Variants in SPO11 observed in about 807,000 individuals in gnomAD.
SPO11 encodes meiotic recombination protein SPO11.
A neutral mutation model predicts 51.6 loss-of-function variants in SPO11; 49 were observed. The ratio of observed to expected loss-of-function variants is 0.95; its 90% CI spans 0.75 to 1.20. SPO11 has a LOEUF of 1.20. SPO11 is among the 50% of genes most tolerant of loss of function. SPO11 has a pLI of 0.00. For synonymous variants in SPO11, 176 were observed against 158.2 expected (o/e 1.11, Z -0.84); for missense variants, 431 against 473.4 (o/e 0.91, Z 0.83).
intron 8 of SPO11, chr20:57,337,844 A>G (rs1257987446): frequency 1.1e-5 from 10 of 948,064 alleles, no homozygotes; most frequent in Non-Finnish European, 1.5e-5. Flanking sequence ...CCACATGCAG[A>G]GTACTAACCG....
At chr20:57,331,550 C>G (rs1218316297) in intron 1 of SPO11, among the ~76,000 whole-genome samples, 1 of 152,076 alleles carries the variant, frequency 6.6e-6, no homozygotes, top group African/African-American at 2.4e-5. Context: ...AAAAGGGAGA[C>G]CTTCCATTGG....
intron 6 of SPO11, 109 bp from the exon 7 acceptor site, chr20:57,335,310 C>G (rs140465905): frequency 4.6e-6 from 4 of 872,644 alleles, no homozygotes; most frequent in Non-Finnish European, 7.0e-6. Flanking sequence ...AGGAAGAAGT[C>G]TCTGATGACT....
At chr20:57,335,931 A>G in intron 8 of SPO11, 24 bp downstream of exon 8, 4 of 1,309,424 alleles carry the variant, frequency 3.1e-6, no homozygotes, top group Non-Finnish European at 4.4e-6. Context: ...CTTTACTACA[A>G]TTCCAAGACT....
chr20:57,330,202 A>G (rs2066429038), intron 1 of SPO11, among the ~76,000 whole-genome samples: 1 of 152,202 alleles, frequency 6.6e-6, no homozygotes, highest in Non-Finnish European at 1.5e-5. Context: ...GCCAGGTGGC[A>G]GCCCCCCTTC....
At position 57,329,927 on chromosome 20, in the gene SPO11, G is replaced by A. The variant is rs751139158; in HGVS notation, c.60G>A (p.Arg20=). 1 of 1,613,704 alleles carries A rather than the reference G, an allele frequency of 6.2e-7. No homozygotes were observed. The highest frequency in any genetic ancestry group is 1.3e-5 in the African/African-American group (1 of 74,952). ...TCTTCGACGTTTTGGACCGACACAG[G>A]GAGTCCCTGCTGGCTGCCCTGAGGA... The part of the protein sequence containing the change: ...ASFFDVLDRH[R]ESLLAALRRG... Residue 20 remains arginine, a synonymous_variant, in exon 1 of 13, where the codon AGG becomes AGA. Coordinates refer to ENST00000371263, the MANE Select transcript of SPO11 (RefSeq NM_012444.3).
At chr20:57,333,101 G>C in intron 2 of SPO11, 87 bp from the exon 3 acceptor site, 1 of 920,726 alleles carries the variant, frequency 1.1e-6, no homozygotes, top group South Asian at 1.8e-5. Context: ...GGTTTTAAAT[G>C]ATGTGCAGAA....
Position 57,335,647 on chromosome 20 carries a change from A to G in SPO11, c.635-151A>G, listed in dbSNP as rs1274981365. The G allele has an allele frequency of 5.9e-6, 4 of 678,320 alleles. No homozygotes were observed. The African/African-American group carries it at 7.3e-5, about 12-fold the overall frequency. The allele number at this position is 678,320 out of a possible 1,614,324, so 42.0% of individuals were successfully genotyped here. ...ATCTAGTGGAAGAGACAGATATCTG[A>G]ATATATGAATAGATGTGTTTATATG... On this transcript the variant is annotated intron_variant, in intron 7 of 12. Transcript: ENST00000371263.
At position 57,343,838 on chromosome 20, in the gene SPO11, C is replaced by T. The variant is rs2066612779; in HGVS notation, c.*378C>T. ...AAAGTATCTTACTGGTAACAAAAAT[C>T]ATAATGATCTGAATTTGAGATGTTG... On this transcript the variant is annotated 3_prime_UTR_variant, in exon 13 of 13. Coordinates refer to ENST00000371263, the MANE Select transcript of SPO11 (RefSeq NM_012444.3). 6.5e-6 allele frequency: 1 copy of T among 154,138 alleles called. No individual in the cohort carries two copies. The highest frequency in any genetic ancestry group is 1.4e-5 in the Non-Finnish European group (1 of 69,610). 9.5% of individuals were successfully genotyped at this position (154,138 alleles called of 1,614,324 possible).
rs375369929 is a variant in SPO11 at position 57,342,810 on chromosome 20, T to C, written c.1041T>C (p.Tyr347=). The stretch of plus-strand genomic sequence containing the variant: ...TTGACAGTATCCTGAGGAGACCTTA[T>C]GTTACCTGCCAACCATTTTGGAGAA... ...MKLDSILRRP[Y]VTCQPFWRKE... Residue 347 remains tyrosine, a synonymous_variant, in exon 12 of 13, where the codon TAT becomes TAC. Transcript: ENST00000371263. The C allele has an allele frequency of 8.1e-6, 13 of 1,613,202 alleles. No individual in the cohort carries two copies. The African/African-American group carries it at 9.3e-5, about 12-fold the overall frequency.
In SPO11 at chr20:57,333,177, C is replaced by A. The variant is rs767720205; in HGVS notation, c.246-11C>A. On this transcript the variant is annotated splice_polypyrimidine_tract_variant and intron_variant, in intron 2 of 12. Coordinates refer to ENST00000371263, the MANE Select transcript of SPO11 (RefSeq NM_012444.3). ...TTTCACTTTTTTCCTTTGCTTTAAA[C>A]AAAATGACAGGTTTGAAGATTCTGT... 24 of 1,590,428 alleles carry A rather than the reference C, an allele frequency of 1.5e-5. No individual in the cohort carries two copies. Among genetic ancestry groups the A allele is most frequent in the Non-Finnish European group, 1.9e-5 (22 of 1,172,480 alleles).
intron 6 of SPO11, 132 bp from the exon 7 acceptor site, chr20:57,335,287 T>C (rs1291773808): frequency 2.7e-6 from 2 of 730,678 alleles, no homozygotes; most frequent in African/African-American, 1.8e-5. Flanking sequence ...TGTTTTCTAC[T>C]ATTTTTTAAC....
chr20:57,337,079 C>G (rs1368790930), intron 8 of SPO11, among the ~76,000 whole-genome samples: 4 of 152,072 alleles, frequency 2.6e-5, no homozygotes, highest in African/African-American at 9.7e-5. Flanking sequence ...CCTAAAGAGA[C>G]TAAGAAACTT....
At position 57,334,047 on chromosome 20, in the gene SPO11, C is replaced by A. The variant is rs1352418296; in HGVS notation, c.462C>A (p.Ile154=). The change falls in exon 5 of 13, where the codon ATC becomes ATA. Residue 154 remains isoleucine, a synonymous_variant. Coordinates refer to ENST00000371263, the MANE Select transcript of SPO11 (RefSeq NM_012444.3). The stretch of plus-strand genomic sequence containing the variant: ...ACCAGACTGTCGTCGACAATATTAT[C>A]AATGACATTTCTTGCATGTTAAAAG... ...FGNQTVVDNI[I]NDISCMLKVS... is the part of the protein sequence containing the mutation. 6.3e-7 allele frequency: 1 copy of A among 1,591,012 alleles called. No individual in the cohort carries two copies. Among genetic ancestry groups the A allele is most frequent in the South Asian group, 1.2e-5 (1 of 86,372 alleles).
intron 2 of SPO11, among the ~76,000 whole-genome samples, chr20:57,332,532 A>G (rs2066462734): frequency 6.6e-6 from 1 of 152,214 alleles, no homozygotes; most frequent in South Asian, 2.1e-4. Flanking sequence ...TAAGAGATAC[A>G]GAAACAAAAT....
At chr20:57,332,306 C>T (rs982747314) in intron 2 of SPO11, among the ~76,000 whole-genome samples, 1 of 152,146 alleles carries the variant, frequency 6.6e-6, no homozygotes, top group South Asian at 2.1e-4. Flanking sequence ...CTCACATATG[C>T]CACAAAAGCA....
intron 5 of SPO11, 123 bp downstream of exon 5, chr20:57,334,218 G>A (rs1267795625): frequency 3.2e-5 from 10 of 314,022 alleles, no homozygotes; most frequent in South Asian, 6.5e-5. Flanking sequence ...GCAGTGGCGC[G>A]ATCTCAACTC....
At chr20:57,336,950 A>G (rs1010477050) in intron 8 of SPO11, among the ~76,000 whole-genome samples, 1 of 152,182 alleles carries the variant, frequency 6.6e-6, no homozygotes, top group African/African-American at 2.4e-5. Context: ...GTATTTTACC[A>G]CGTCTCTATG....
chr20:57,338,153 C>A lies in SPO11; in HGVS notation c.745-123C>A, dbSNP rs1045471971. On this transcript the variant is annotated intron_variant, in intron 8 of 12. Coordinates refer to ENST00000371263, the MANE Select transcript of SPO11 (RefSeq NM_012444.3). ...CGATCCCCCTACCTTGGCCTCCCAACGTGCTGGGATTACAGGCGTGAACCA... is the reference window on the plus strand; with the variant it reads ...CGATCCCCCTACCTTGGCCTCCCAAAGTGCTGGGATTACAGGCGTGAACCA... The A allele has an allele frequency of 5.1e-5, 38 of 741,146 alleles. No homozygotes were observed. In the South Asian group the frequency reaches 6.1e-4, roughly 12 times the overall value. The allele number at this position is 741,146 out of a possible 1,614,324, so 45.9% of individuals were successfully genotyped here.
At chr20:57,340,605 A>G (rs2066569906) in intron 11 of SPO11, among the ~76,000 whole-genome samples, 1 of 152,154 alleles carries the variant, frequency 6.6e-6, no homozygotes, top group East Asian at 1.9e-4. Flanking sequence ...CTCTACTAAA[A>G]ATGCAAACAT....
Sources: allele counts gnomAD v4.1 joint callset (sites outside exome capture counted in the v4.1 genomes callset), GRCh38; gene constraint gnomAD v4.1.1; transcripts MANE v1.5; gene names NCBI Gene and HGNC (gene_info 2026-07-23, HGNC 2026-07-21).